PTPRQ: variants seen among roughly 807,000 people sequenced by gnomAD.
PTPRQ encodes protein tyrosine phosphatase receptor type Q.
A neutral mutation model predicts 246.0 loss-of-function variants in PTPRQ; 199 were observed. That is an observed-to-expected ratio of 0.81 (90% CI 0.72 to 0.91). PTPRQ has a LOEUF of 0.91. PTPRQ is among the 40% of genes least tolerant of loss of function. PTPRQ has a pLI of 0.00. For synonymous variants in PTPRQ, 869 were observed against 853.2 expected (o/e 1.02, Z -0.32); for missense variants, 2,624 against 2,528.4 (o/e 1.04, Z -0.81).
chr12:80,490,365 A>G (rs946342336), intron 9 of PTPRQ, among the ~76,000 whole-genome samples: 7 of 152,000 alleles, frequency 4.6e-5, no homozygotes, highest in African/African-American at 1.7e-4. Context: ...AGAAAATACA[A>G]TTACATTCAC....
chr12:80,532,213 T>C (rs1895864082), intron 17 of PTPRQ, among the ~76,000 whole-genome samples: 1 of 151,994 alleles, frequency 6.6e-6, no homozygotes, highest in Non-Finnish European at 1.5e-5. Context: ...TTTATTTTAT[T>C]TTATTTATTT....
intron 41 of PTPRQ, among the ~76,000 whole-genome samples, chr12:80,670,119 T>C (rs1900922151): frequency 6.6e-6 from 1 of 152,110 alleles, no homozygotes; most frequent in Non-Finnish European, 1.5e-5. Context: ...TGTCCTATAT[T>C]AACATTTATT....
At chr12:80,452,799 T>C (rs1892814605) in intron 3 of PTPRQ, among the ~76,000 whole-genome samples, 3 of 152,188 alleles carry the variant, frequency 2.0e-5, no homozygotes, top group South Asian at 4.1e-4. Flanking sequence ...GCCCTTAACA[T>C]TTTTTCCTTC....
At chr12:80,635,184 A>G in intron 35 of PTPRQ, 111 bp downstream of exon 35, 2 of 1,426,772 alleles carry the variant, frequency 1.4e-6, no homozygotes, top group Non-Finnish European at 1.8e-6. Flanking sequence ...CACAGGTCAC[A>G]GAGATCTTCT....
At chr12:80,568,232 T>G (rs1897036548) in intron 25 of PTPRQ, among the ~76,000 whole-genome samples, 1 of 152,224 alleles carries the variant, frequency 6.6e-6, no homozygotes. Context: ...TATACTAATT[T>G]AAAACATTAG....
intron 38 of PTPRQ, among the ~76,000 whole-genome samples, chr12:80,656,161 G>A (rs935905247): frequency 2.6e-5 from 4 of 152,066 alleles, no homozygotes; most frequent in Admixed American, 1.3e-4. Flanking sequence ...TAAATCATTT[G>A]CAGAAATGTG....
intron 19 of PTPRQ, among the ~76,000 whole-genome samples, chr12:80,535,810 A>G (rs538001216): frequency 3.9e-5 from 6 of 152,264 alleles, no homozygotes; most frequent in Non-Finnish European, 7.3e-5. Context: ...GAGCTGGAAT[A>G]TAATTAGAAA....
At chr12:80,461,171 G>T (rs1254772075) in intron 6 of PTPRQ, among the ~76,000 whole-genome samples, 2 of 152,084 alleles carry the variant, frequency 1.3e-5, no homozygotes, top group East Asian at 1.9e-4. Flanking sequence ...ATTTTATAAT[G>T]TCAGCAATTT....
At chr12:80,509,035 A>G (rs1041320376) in intron 16 of PTPRQ, among the ~76,000 whole-genome samples, 1 of 152,084 alleles carries the variant, frequency 6.6e-6, no homozygotes, top group African/African-American at 2.4e-5. Context: ...GCTTTGACAA[A>G]TGAAAGAGAA....
intron 16 of PTPRQ, among the ~76,000 whole-genome samples, chr12:80,508,756 T>A (rs1277987402): frequency 6.6e-6 from 1 of 152,096 alleles, no homozygotes; most frequent in Non-Finnish European, 1.5e-5. Flanking sequence ...TACAGTGATT[T>A]TTTTAGATAG....
At chr12:80,619,740 C>A (rs1898907172) in intron 31 of PTPRQ, among the ~76,000 whole-genome samples, 198 bp downstream of exon 31, 1 of 151,220 alleles carries the variant, frequency 6.6e-6, no homozygotes. Flanking sequence ...ATTTGTAAAA[C>A]TTTTATAAAT....
At chr12:80,641,482 A>G (rs1334418412) in intron 35 of PTPRQ, among the ~76,000 whole-genome samples, 1 of 152,236 alleles carries the variant, frequency 6.6e-6, no homozygotes, top group African/African-American at 2.4e-5. Flanking sequence ...CATTATTAAA[A>G]TCAAGGAAGC....
intron 27 of PTPRQ, among the ~76,000 whole-genome samples, chr12:80,605,543 T>A (rs993692163): frequency 1.3e-5 from 2 of 151,124 alleles, no homozygotes; most frequent in Non-Finnish European, 3.0e-5. Context: ...AAATATCTGG[T>A]TTACAGTACG....
At chr12:80,677,820 C>G (rs1216186398) in intron 43 of PTPRQ, among the ~76,000 whole-genome samples, 1 of 152,018 alleles carries the variant, frequency 6.6e-6, no homozygotes, top group Non-Finnish European at 1.5e-5. Context: ...GAATATATGT[C>G]TTAAACATTT....
intron 17 of PTPRQ, among the ~76,000 whole-genome samples, chr12:80,521,418 T>C (rs1369511146): frequency 2.0e-5 from 3 of 152,228 alleles, no homozygotes; most frequent in African/African-American, 7.2e-5. Context: ...TTTTGTGTTT[T>C]AGACATGAAG....
intron 17 of PTPRQ, 69 bp from the exon 18 acceptor site, chr12:80,533,945 GT>G: frequency 1.7e-6 from 2 of 1,184,164 alleles, no homozygotes; most frequent in South Asian, 2.1e-5. Context: ...TACTTTTAAT[GT>G]TAGTGTGCTC....
rs1900933615 is a variant in PTPRQ at position 80,670,439 on chromosome 12, G to T, written c.6549G>T (p.Lys2183Asn). 1 of 1,551,258 alleles carries T rather than the reference G, an allele frequency of 6.4e-7. No individual in the cohort carries two copies. Among genetic ancestry groups the T allele is most frequent in the Non-Finnish European group, 8.7e-7 (1 of 1,146,606 alleles). The part of the protein sequence containing the change: ...ENSAPLIHFV[K>N]LVRASRAHDT... ...GCGCCCCTCTAATTCACTTTGTGAA[G>T]TTGGTTCGAGCAAGCAGGGCACATG... is the stretch of plus-strand genomic sequence containing the variant. The change falls in exon 42 of 45, where the codon AAG (lysine) becomes AAT (asparagine). Residue 2183 changes from lysine (K) to asparagine (N), a missense_variant. Transcript: ENST00000644991.
intron 34 of PTPRQ, 141 bp from the exon 35 acceptor site, chr12:80,634,804 A>G (rs1899579244): frequency 6.4e-6 from 8 of 1,253,150 alleles, no homozygotes; most frequent in Middle Eastern, 2.2e-4. Flanking sequence ...TCGAGTAGCT[A>G]TAAATTTGCA....
intron 10 of PTPRQ, among the ~76,000 whole-genome samples, chr12:80,494,144 A>G (rs1894537040): frequency 1.3e-5 from 2 of 152,066 alleles, no homozygotes; most frequent in South Asian, 2.1e-4. Context: ...ATCACATTAC[A>G]TTCAATAGAT....
Sources: allele counts gnomAD v4.1 joint callset (sites outside exome capture counted in the v4.1 genomes callset), GRCh38; gene constraint gnomAD v4.1.1; transcripts MANE v1.5; gene names NCBI Gene and HGNC (gene_info 2026-07-23, HGNC 2026-07-21).